Variants in PDZRN4 observed in about 807,000 individuals in gnomAD.
PDZRN4 encodes the protein PDZ domain-containing RING finger protein 4.
In PDZRN4, 70 loss-of-function variants were observed where a neutral mutation model predicts 99.0. That is an observed-to-expected ratio of 0.71 (90% CI 0.58 to 0.86). The LOEUF (loss-of-function observed/expected upper bound fraction) is 0.86. PDZRN4 is among the 40% of genes least tolerant of loss of function. The probability of loss-of-function intolerance (pLI) is 0.00; values close to 1 mark genes in which losing one functional copy is unlikely to be tolerated. For synonymous variants in PDZRN4, 551 were observed against 501.6 expected (o/e 1.10, Z -1.32); for missense variants, 1,474 against 1,331.2 (o/e 1.11, Z -1.67).
intron 3 of PDZRN4, among the ~76,000 whole-genome samples, chr12:41,500,270 T>C (rs1938087217): frequency 6.6e-6 from 1 of 151,946 alleles, no homozygotes; most frequent in Non-Finnish European, 1.5e-5. Flanking sequence ...GCAAAGTCCC[T>C]GGGGATTTTG....
intron 3 of PDZRN4, among the ~76,000 whole-genome samples, chr12:41,210,393 C>T (rs930928000): frequency 1.3e-5 from 2 of 151,596 alleles, no homozygotes; most frequent in Middle Eastern, 3.2e-3. Flanking sequence ...TGGTCAATGG[C>T]AAGTTTTCTA....
intron 3 of PDZRN4, among the ~76,000 whole-genome samples, chr12:41,423,419 G>A (rs1216438187): frequency 3.3e-5 from 5 of 152,096 alleles, no homozygotes; most frequent in Admixed American, 6.6e-5. Context: ...TCTTGCATTC[G>A]TTTTCTGAGA....
intron 4 of PDZRN4, among the ~76,000 whole-genome samples, chr12:41,509,146 T>C (rs1938261469): frequency 6.6e-6 from 1 of 152,152 alleles, no homozygotes; most frequent in Non-Finnish European, 1.5e-5. Context: ...GCTCTCTCTG[T>C]CACTGAGAAT....
intron 1 of PDZRN4, 26 bp downstream of exon 1, chr12:41,189,129 G>A: frequency 6.4e-7 from 1 of 1,567,282 alleles, no homozygotes; most frequent in Non-Finnish European, 8.6e-7. Flanking sequence ...TGGGCACCGC[G>A]GGCATGGTCG....
intron 3 of PDZRN4, among the ~76,000 whole-genome samples, chr12:41,347,162 C>T (rs897343567): frequency 3.3e-5 from 5 of 152,038 alleles, no homozygotes; most frequent in Non-Finnish European, 4.4e-5. Context: ...TGGGTATATA[C>T]CTAGGAGAGG....
At chr12:41,360,082 T>C (rs1197892225) in intron 3 of PDZRN4, among the ~76,000 whole-genome samples, 1 of 151,994 alleles carries the variant, frequency 6.6e-6, no homozygotes, top group Non-Finnish European at 1.5e-5. Context: ...GTTAAGATTG[T>C]TGTGTGTCGT....
At chr12:41,246,294 T>A (rs1391351226) in intron 3 of PDZRN4, among the ~76,000 whole-genome samples, 1 of 152,176 alleles carries the variant, frequency 6.6e-6, no homozygotes, top group Non-Finnish European at 1.5e-5. Context: ...ATTGTACAGT[T>A]AATTGACAGG....
intron 3 of PDZRN4, among the ~76,000 whole-genome samples, chr12:41,478,338 G>T (rs1937623950): frequency 6.6e-6 from 1 of 151,996 alleles, no homozygotes; most frequent in Non-Finnish European, 1.5e-5. Flanking sequence ...CTGATCTCCA[G>T]CTCCTGACCT....
intron 3 of PDZRN4, among the ~76,000 whole-genome samples, chr12:41,362,436 G>T (rs1283342935): frequency 1.4e-5 from 1 of 69,538 alleles, no homozygotes; most frequent in Non-Finnish European, 3.8e-5. Context: ...TATATCAAAT[G>T]GAATAAGCTT....
At chr12:41,339,803 C>T (rs1199763438) in intron 3 of PDZRN4, among the ~76,000 whole-genome samples, 1 of 151,922 alleles carries the variant, frequency 6.6e-6, no homozygotes. Flanking sequence ...ATACAAATGG[C>T]AATCATGTAT....
chr12:41,233,805 G>T (rs1037462022), intron 3 of PDZRN4, among the ~76,000 whole-genome samples: 5 of 151,866 alleles, frequency 3.3e-5, no homozygotes, highest in Admixed American at 3.3e-4. Context: ...GGGGGAGCGG[G>T]GGGGAGATAG....
At chr12:41,256,935 T>C (rs1352051429) in intron 3 of PDZRN4, among the ~76,000 whole-genome samples, 2 of 152,216 alleles carry the variant, frequency 1.3e-5, no homozygotes, top group Non-Finnish European at 2.9e-5. Context: ...TTCATTGTTA[T>C]ACATATCACC....
chr12:41,402,001 C>T (rs1231449508), intron 3 of PDZRN4, among the ~76,000 whole-genome samples: 2 of 149,746 alleles, frequency 1.3e-5, no homozygotes, highest in African/African-American at 4.9e-5. Flanking sequence ...AGCATAAAAG[C>T]ACCCTATGGA....
At chr12:41,524,734 A>ATATTT (rs979900232) in intron 5 of PDZRN4, among the ~76,000 whole-genome samples, 2 of 152,124 alleles carry the variant, frequency 1.3e-5, no homozygotes, top group African/African-American at 4.8e-5. Context: ...TTCTATTTTT[A>ATATTT]TATTTTATTT....
chr12:41,293,349 A>G (rs558604535), intron 3 of PDZRN4, among the ~76,000 whole-genome samples: 14 of 151,336 alleles, frequency 9.3e-5, no homozygotes, highest in African/African-American at 3.1e-4. Flanking sequence ...CATAGCCTCT[A>G]TAAAGCTTAG....
Position 41,544,271 on chromosome 12 carries a change from G to T in PDZRN4, c.1204-8385G>T, listed in dbSNP as rs115914016. On this transcript the variant is annotated intron_variant, in intron 5 of 9. Transcript: ENST00000402685. ...GTTTTAATTTTACAGTTCATTTTTT[G>T]ATTACTTTTCTTGTTGGCAGAGATA... is the stretch of plus-strand genomic sequence containing the variant. Among the ~76,000 whole-genome samples the T allele has an allele frequency of 7.5e-3, 1,145 of 152,246 alleles. 17 individuals carry two copies. Among genetic ancestry groups the T allele is most frequent in the African/African-American group, 0.026 (1,070 of 41,550 alleles).
At chr12:41,569,306 G>A (rs185776858) in intron 9 of PDZRN4, among the ~76,000 whole-genome samples, 1 of 152,180 alleles carries the variant, frequency 6.6e-6, no homozygotes, top group East Asian at 1.9e-4. Flanking sequence ...TTTTAGTACA[G>A]ATGAGGTTTC....
At chr12:41,520,123 C>T (rs758270666) in intron 5 of PDZRN4, among the ~76,000 whole-genome samples, 2 of 152,014 alleles carry the variant, frequency 1.3e-5, no homozygotes, top group Non-Finnish European at 1.5e-5. Flanking sequence ...GATTTCATGA[C>T]GGAGGTAGAA....
chr12:41,555,052 C>CAAAAAAA (rs67810817), intron 6 of PDZRN4, among the ~76,000 whole-genome samples: 1 of 113,542 alleles, frequency 8.8e-6, no homozygotes, highest in East Asian at 2.9e-4. Flanking sequence ...ACTAAAAATA[C>CAAAAAAA]AAAAAAAAAA....
Sources: gnomAD v4.1 joint callset for allele counts (sites outside exome capture counted in the v4.1 genomes callset) on GRCh38, gnomAD v4.1.1 for gene constraint, MANE v1.5 for transcripts, NCBI Gene and HGNC (gene_info 2026-07-23, HGNC 2026-07-21) for gene names.